CCDC13: variants seen among roughly 807,000 people sequenced by gnomAD.
The protein encoded by CCDC13 is coiled-coil domain containing 13.
A neutral mutation model predicts 87.3 loss-of-function variants in CCDC13; 70 were observed. The observed-to-expected ratio is 0.80, with a 90% CI of 0.66 to 0.98. The LOEUF (loss-of-function observed/expected upper bound fraction) is 0.98. Ranked by LOEUF, CCDC13 falls within the 50% of genes least tolerant of loss-of-function variation. The pLI is 0.00. For missense variants in CCDC13, 842 were observed against 892.0 expected (o/e 0.94, Z 0.71); for synonymous variants, 317 against 360.3 (o/e 0.88, Z 1.36).
chr3:42,711,105 G>T (rs900066180), intron 14 of CCDC13, among the ~76,000 whole-genome samples: 27 of 152,200 alleles, frequency 1.8e-4, no homozygotes, highest in African/African-American at 5.8e-4. Flanking sequence ...AATTAGCAGG[G>T]TGTGGTGGCG....
At chr3:42,760,535 T>G (rs1288893517) in intron 1 of CCDC13, among the ~76,000 whole-genome samples, 1 of 151,926 alleles carries the variant, frequency 6.6e-6, no homozygotes, top group Non-Finnish European at 1.5e-5. Flanking sequence ...GAGAATCACT[T>G]GAACCTGGGA....
At chr3:42,709,632 C>T in intron 15 of CCDC13, 52 bp downstream of exon 15, 1 of 1,403,684 alleles carries the variant, frequency 7.1e-7, no homozygotes, top group Non-Finnish European at 1.0e-6. Flanking sequence ...CCCATGGAGG[C>T]ACCTCTGCTC....
rs753800919 is a variant in CCDC13, at chr3:42,739,645, C to T, written c.1153G>A (p.Asp385Asn). The T allele has an allele frequency of 8.7e-6, 14 of 1,613,792 alleles. No individual in the cohort carries two copies. In the South Asian group the frequency reaches 1.2e-4, roughly 14 times the overall value. The part of the protein sequence containing the change: ...EKGRHDDELI[D>N]ALMDQLKQLQ... ...TGGTGGGGCCATACCATGAGGGCGT[C>T]GATGAGCTCGTCATCATGCCGGCCC... The change falls in exon 9 of 16, where the codon GAC becomes AAC. Residue 385 changes from aspartate to asparagine, a missense_variant. Asp to Asn is a conservative substitution (Grantham distance 23). Transcript: ENST00000310232.
chr3:42,753,973 C>T (rs1264357872), intron 3 of CCDC13, among the ~76,000 whole-genome samples: 4 of 152,156 alleles, frequency 2.6e-5, no homozygotes, highest in Non-Finnish European at 4.4e-5. Context: ...AGTCCAGCAT[C>T]GTCATCGACT....
At chr3:42,769,665 C>A (rs1559667030) in intron 1 of CCDC13, among the ~76,000 whole-genome samples, 1 of 152,268 alleles carries the variant, frequency 6.6e-6, no homozygotes, top group South Asian at 2.1e-4. Flanking sequence ...CCTCTCTGGG[C>A]TGGCCAAGGC....
At chr3:42,772,267 C>CAAAAAAAAAAAAAAAAAAAAA (rs869064282) in intron 1 of CCDC13, among the ~76,000 whole-genome samples, 1 of 113,872 alleles carries the variant, frequency 8.8e-6, no homozygotes, top group African/African-American at 3.4e-5. Context: ...GAGACTCCGT[C>CAAAAAAAAAAAAAAAAAAAAA]AAAAAAAAAA....
chr3:42,745,744 A>G (rs1699374017), intron 7 of CCDC13, 179 bp downstream of exon 7: 1 of 513,898 alleles, frequency 1.9e-6, no homozygotes, highest in African/African-American at 1.9e-5. Context: ...TTAAATAACA[A>G]ATTAAAATCA....
At position 42,707,189 on chromosome 3, in the gene CCDC13, A is replaced by C. The variant is rs1247053453; in HGVS notation, c.*1791T>G. Among the ~76,000 whole-genome samples, 1 of 152,172 alleles carries C rather than the reference A, an allele frequency of 6.6e-6. No individual in the cohort carries two copies. Among genetic ancestry groups the C allele is most frequent in the East Asian group, 1.9e-4 (1 of 5,188 alleles). ...CCCTCTGGAGCTCCTCAGGGCCTGC[A>C]GGAGAAGGTGCTGACTCCTCTGTGT... On this transcript the variant is annotated 3_prime_UTR_variant, in exon 16 of 16. Transcript: ENST00000310232.
chr3:42,746,239 G>T, intron 6 of CCDC13: 1 of 538,580 alleles, frequency 1.9e-6, no homozygotes, highest in Non-Finnish European at 3.3e-6. Context: ...GCATTTCTTG[G>T]CAATGCTTAG....
intron 5 of CCDC13, among the ~76,000 whole-genome samples, chr3:42,747,632 C>T (rs1231917805): frequency 2.0e-5 from 3 of 152,210 alleles, no homozygotes; most frequent in African/African-American, 7.2e-5. Context: ...TGAATCCTGG[C>T]AGCTTAACTT....
intron 5 of CCDC13, among the ~76,000 whole-genome samples, chr3:42,749,276 G>A (rs1699508091): frequency 6.6e-6 from 1 of 152,156 alleles, no homozygotes; most frequent in African/African-American, 2.4e-5. Context: ...TGACAGTGGG[G>A]GTGCTGAGAG....
chr3:42,733,511 C>G lies in CCDC13; in HGVS notation c.1470G>C (p.Pro490=). Residue 490 remains proline, a synonymous_variant, in exon 11 of 16, where the codon CCG becomes CCC. Transcript: ENST00000310232. The part of the protein sequence containing the change: ...FLEDPGLTKS[P]ASAGDHVGRL... The stretch of plus-strand genomic sequence containing the variant: ...TGCCAACATGATCGCCTGCTGAGGC[C>G]GGGGACTTGGTCAGGCCTGGGTCCT... 1.2e-6 allele frequency: 2 copies of G among 1,614,136 alleles called. No homozygotes were observed. The highest frequency in any genetic ancestry group is 1.7e-6 in the Non-Finnish European group (2 of 1,180,024).
intron 13 of CCDC13, among the ~76,000 whole-genome samples, chr3:42,720,452 G>C (rs1423495744): frequency 6.6e-6 from 1 of 152,144 alleles, no homozygotes; most frequent in East Asian, 1.9e-4. Flanking sequence ...GCTGTCCTAG[G>C]CTCCATACTA....
intron 8 of CCDC13, 134 bp downstream of exon 8, chr3:42,742,762 C>T: frequency 9.1e-7 from 1 of 1,103,286 alleles, no homozygotes; most frequent in South Asian, 1.5e-5. Context: ...GCAGAGGTGA[C>T]CCAGGTCCCC....
intron 1 of CCDC13, among the ~76,000 whole-genome samples, chr3:42,772,194 TG>T (rs1559669593): frequency 7.1e-6 from 1 of 140,436 alleles, no homozygotes; most frequent in African/African-American, 2.7e-5. Context: ...CGCTTGAACC[TG>T]GGAGGCAGAG....
At chr3:42,762,803 G>A (rs1390288359) in intron 1 of CCDC13, among the ~76,000 whole-genome samples, 2 of 152,086 alleles carry the variant, frequency 1.3e-5, no homozygotes, top group East Asian at 1.9e-4. Context: ...TAAACGTTAG[G>A]CCAGGCATGA....
At chr3:42,740,312 C>T (rs1699173099) in intron 8 of CCDC13, among the ~76,000 whole-genome samples, 2 of 152,212 alleles carry the variant, frequency 1.3e-5, no homozygotes, top group African/African-American at 4.8e-5. Flanking sequence ...CCCCTGACAG[C>T]ACCTTGCTTT....
chr3:42,728,592 T>C (rs1310397509), intron 13 of CCDC13, among the ~76,000 whole-genome samples: 1 of 152,222 alleles, frequency 6.6e-6, no homozygotes, highest in Non-Finnish European at 1.5e-5. Flanking sequence ...TTTTTGATGA[T>C]TGGCCAATTT....
rs1345518703 is a variant in CCDC13, at chr3:42,707,487, C to T, written c.*1493G>A. ...GGGGCCAGCTAGGGTCCCTCCATAG[C>T]CCCATCCCCAAGGAAGGGGCTGAGA... is the stretch of plus-strand genomic sequence containing the variant. On this transcript the variant is annotated 3_prime_UTR_variant, in exon 16 of 16. Coordinates refer to ENST00000310232, the MANE Select transcript of CCDC13 (RefSeq NM_144719.4). 6.6e-6 allele frequency among the ~76,000 whole-genome samples: 1 copy of T among 152,192 alleles called. No individual in the cohort carries two copies. The highest frequency in any genetic ancestry group is 1.9e-4 in the East Asian group (1 of 5,174).
Sources: allele counts gnomAD v4.1 joint callset (sites outside exome capture counted in the v4.1 genomes callset), GRCh38; gene constraint gnomAD v4.1.1; transcripts MANE v1.5; gene names NCBI Gene and HGNC (gene_info 2026-07-23, HGNC 2026-07-21).